The following MOCOS variants were observed in gnomAD, a reference collection of about 807,000 sequenced individuals.
MOCOS encodes human molybdenum cofactor sulfurase.
MOCOS carries 86 observed loss-of-function variants against 83.6 expected under a neutral mutation model. That is an observed-to-expected ratio of 1.03 (90% confidence interval 0.86 to 1.23). The LOEUF is 1.23. MOCOS is among the 50% of genes most tolerant of loss of function. MOCOS has a pLI of 0.00. For synonymous variants in MOCOS, 445 were observed against 434.7 expected, an observed-to-expected ratio of 1.02 and a Z score of -0.29; for missense variants, 1,120 against 1,126.9, an observed-to-expected ratio of 0.99 and a Z score of 0.09.
chr18:36,239,754 C>A (rs1420787455), intron 9 of MOCOS, among the ~76,000 whole-genome samples: 2 of 149,212 alleles, frequency 1.3e-5, no homozygotes, highest in Non-Finnish European at 3.0e-5. Flanking sequence ...CCATTCTCCC[C>A]ATCACTTTCA....
chr18:36,259,945 TAGGTGTTACATGGCAGGCA>T, intron 12 of MOCOS, 73 bp from the exon 13 acceptor site: 1 of 1,527,256 alleles, frequency 6.5e-7, no homozygotes, highest in South Asian at 1.1e-5. Context: ...CTGATGAAGT[TAGGTGTTACATGGCAGGCA>T]TGATGAATTA....
At position 36,205,014 on chromosome 18, in the gene MOCOS, A is replaced by AG. The variant is rs2091429282; in HGVS notation, c.1019-63_1019-62insG. ...CGTGTCTCAAAAAAAAAAAAAAAAA[A>AG]AAGAGTGAATTGAGAATTTACATAA... On this transcript the variant is annotated intron_variant, in intron 5 of 14. Coordinates refer to ENST00000261326, the MANE Select transcript of MOCOS (RefSeq NM_017947.4). The AG allele has an allele frequency of 5.6e-6, 7 of 1,253,694 alleles. No homozygotes were observed. The African/African-American group carries it at 6.1e-5, about 11-fold the overall frequency. The allele number at this position is 1,253,694 out of a possible 1,614,324, so 77.7% of individuals were successfully genotyped here.
chr18:36,242,185 C>T (rs1000861092), intron 9 of MOCOS, among the ~76,000 whole-genome samples: 2 of 152,312 alleles, frequency 1.3e-5, no homozygotes, highest in South Asian at 2.1e-4. Context: ...GCTACCCTCC[C>T]CTTTTAAATA....
intron 5 of MOCOS, among the ~76,000 whole-genome samples, chr18:36,203,787 A>G (rs2091423951): frequency 6.6e-6 from 1 of 152,218 alleles, no homozygotes; most frequent in Non-Finnish European, 1.5e-5. Flanking sequence ...TTAGCCCAAC[A>G]TAGGGGCAGA....
chr18:36,235,684 C>T (rs1213975926), intron 9 of MOCOS, among the ~76,000 whole-genome samples: 2 of 151,558 alleles, frequency 1.3e-5, no homozygotes, highest in South Asian at 2.1e-4. Context: ...ATTTCTAGTT[C>T]TAGATCCTGA....
intron 1 of MOCOS, among the ~76,000 whole-genome samples, chr18:36,191,143 C>A (rs1257705003): frequency 6.6e-6 from 1 of 152,114 alleles, no homozygotes; most frequent in Non-Finnish European, 1.5e-5. Context: ...TCGCTTTCCA[C>A]CAAGATTGTA....
rs34976015 is a variant in MOCOS at position 36,228,836 on chromosome 18, GA to G, written c.1960+8637del. On this transcript the variant is annotated intron_variant, in intron 9 of 14. Transcript: ENST00000261326. ...ACTTGTACCACGGAACTTAAAAGTT[GA>G]AAAAAAAAAAAAAAAAAGATGAGAT... is the stretch of plus-strand genomic sequence containing the variant. 5.6e-3 allele frequency among the ~76,000 whole-genome samples: 647 copies of G among 116,356 alleles called. 4 individuals carry two copies. Among genetic ancestry groups the G allele is most frequent in the South Asian group, 0.012 (49 of 4,158 alleles). 76.3% of individuals were successfully genotyped at this position (116,356 alleles called of 152,430 possible). A position where few individuals can be genotyped will look rare whatever the true frequency, so the allele number is the denominator to read the frequency against.
At chr18:36,207,227 G>C (rs925735529) in intron 6 of MOCOS, among the ~76,000 whole-genome samples, 2 of 152,162 alleles carry the variant, frequency 1.3e-5, no homozygotes, top group African/African-American at 4.8e-5. Flanking sequence ...AGTAGAGACA[G>C]GGTTTCACCA....
At chr18:36,226,852 T>C (rs1432261336) in intron 9 of MOCOS, among the ~76,000 whole-genome samples, 12 of 151,808 alleles carry the variant, frequency 7.9e-5, no homozygotes, top group Admixed American at 6.6e-4. Context: ...ACTTTACGTA[T>C]GGTTGTCAGG....
intron 11 of MOCOS, among the ~76,000 whole-genome samples, chr18:36,255,739 GT>G (rs2091639131): frequency 6.6e-6 from 1 of 152,150 alleles, no homozygotes; most frequent in African/African-American, 2.4e-5. Context: ...GTAGGTCCTG[GT>G]CCAGGCAAAC....
At chr18:36,234,962 C>A (rs565626927) in intron 9 of MOCOS, among the ~76,000 whole-genome samples, 1 of 152,128 alleles carries the variant, frequency 6.6e-6, no homozygotes, top group African/African-American at 2.4e-5. Flanking sequence ...CCCCATGATC[C>A]AATCACCTCC....
intron 9 of MOCOS, among the ~76,000 whole-genome samples, chr18:36,230,285 A>G (rs1024334238): frequency 6.6e-6 from 1 of 152,022 alleles, no homozygotes. Flanking sequence ...GGATTTCACC[A>G]TGTTGGCCAG....
chr18:36,228,814 T>C (rs577983334), intron 9 of MOCOS, among the ~76,000 whole-genome samples: 16 of 149,564 alleles, frequency 1.1e-4, no homozygotes, highest in South Asian at 4.3e-4. Context: ...AACCTGCACT[T>C]GTACCACGGA....
chr18:36,229,914 T>G (rs1409712782), intron 9 of MOCOS, among the ~76,000 whole-genome samples: 1 of 152,164 alleles, frequency 6.6e-6, no homozygotes, highest in Non-Finnish European at 1.5e-5. Context: ...ACTGTTCTCT[T>G]GACTTTGGTG....
intron 9 of MOCOS, among the ~76,000 whole-genome samples, chr18:36,241,785 T>C (rs1468802776): frequency 6.6e-6 from 1 of 152,214 alleles, no homozygotes; most frequent in Non-Finnish European, 1.5e-5. Context: ...AAATCTCAGT[T>C]CTTGACTTTT....
At chr18:36,237,968 T>C (rs1377730663) in intron 9 of MOCOS, among the ~76,000 whole-genome samples, 5 of 152,256 alleles carry the variant, frequency 3.3e-5, no homozygotes, top group Admixed American at 6.5e-5. Context: ...TCTGTGGGAT[T>C]GGTGGTGATA....
intron 10 of MOCOS, among the ~76,000 whole-genome samples, chr18:36,250,430 G>A (rs2091617633): frequency 6.6e-6 from 1 of 152,192 alleles, no homozygotes; most frequent in Admixed American, 6.5e-5. Flanking sequence ...ATAGGCAGAG[G>A]ATCACTCTGG....
chr18:36,249,349 C>A (rs941736449), intron 10 of MOCOS, among the ~76,000 whole-genome samples: 1 of 152,164 alleles, frequency 6.6e-6, no homozygotes, highest in African/African-American at 2.4e-5. Context: ...CAGAAAACAA[C>A]CTCTCCCTCT....
intron 11 of MOCOS, among the ~76,000 whole-genome samples, chr18:36,254,614 C>T (rs1361839459): frequency 6.7e-6 from 1 of 150,306 alleles, no homozygotes; most frequent in Non-Finnish European, 1.5e-5. Context: ...TATACACACA[C>T]ACATATATAT....
Sources: allele counts gnomAD v4.1 joint callset (sites outside exome capture counted in the v4.1 genomes callset), GRCh38; gene constraint gnomAD v4.1.1; transcripts MANE v1.5; gene names NCBI Gene and HGNC (gene_info 2026-07-23, HGNC 2026-07-21).